The following TMEM253 variants were observed in gnomAD, a reference collection of about 807,000 sequenced individuals.
TMEM253 encodes the protein transmembrane protein 253, also known as transmembrane protein C14orf176.
Under a neutral mutation model 20.3 loss-of-function variants are expected in TMEM253, and 22 were observed. The observed-to-expected ratio is 1.08, with a 90% CI of 0.78 to 1.55. The LOEUF (loss-of-function observed/expected upper bound fraction) is 1.55, where lower values mean the gene tolerates loss of function less well. Among genes scored for constraint, TMEM253 ranks in the 40% most tolerant of loss-of-function variants. TMEM253 has a pLI of 0.00. For synonymous variants in TMEM253, 92 were observed against 102.6 expected (o/e 0.90, Z 0.62); for missense variants, 251 against 266.1 (o/e 0.94, Z 0.39).
At chr14:21,098,968 A>T (rs1889480054), upstream of TMEM253, 3 of 638,214 alleles carry the variant, frequency 4.7e-6, no homozygotes, top group Non-Finnish European at 6.6e-6. Flanking sequence ...TGTCGGCCGT[A>T]TAAGAAACAT....
chr14:21,099,697 T>C (rs1222190253), upstream of TMEM253, among the ~76,000 whole-genome samples: 4 of 152,232 alleles, frequency 2.6e-5, no homozygotes, highest in Non-Finnish European at 5.9e-5. Flanking sequence ...TGAGCACTTG[T>C]GTACCAGGTA....
At chr14:21,101,768 A>T (rs1448112300) in intron 2 of TMEM253, 97 bp from the exon 3 acceptor site, 4 of 967,812 alleles carry the variant, frequency 4.1e-6, no homozygotes, top group Non-Finnish European at 6.2e-6. Context: ...TCCACCCTGC[A>T]TTCAATCCCA....
chr14:21,101,173 G>C lies in TMEM253; in HGVS notation c.-48G>C, dbSNP rs1889600537. The C allele has an allele frequency of 5.2e-6, 3 of 576,258 alleles. No individual in the cohort carries two copies. The South Asian group carries it at 5.9e-5, about 11-fold the overall frequency. The allele number at this position is 576,258 out of a possible 1,614,324, so 35.7% of individuals were successfully genotyped here. On this transcript the variant is annotated 5_prime_UTR_variant, in exon 1 of 7. Transcript: ENST00000556585. ...TGGGTCCCATCCCTTTGGAGTAGCT[G>C]CTTCAGACTAGGTAGGTGTGAGGAC...
intron 2 of TMEM253, 121 bp from the exon 3 acceptor site, chr14:21,101,744 G>T (rs1391492855): frequency 2.6e-6 from 2 of 780,772 alleles, no homozygotes; most frequent in Non-Finnish European, 4.1e-6. Context: ...CTTGCTCTGG[G>T]TTGACTGCTT....
upstream of TMEM253, among the ~76,000 whole-genome samples, chr14:21,100,392 T>TAAC (rs1889559618): frequency 6.6e-6 from 1 of 151,546 alleles, no homozygotes; most frequent in South Asian, 2.1e-4. Flanking sequence ...ATAATAATAA[T>TAAC]GTATCCAAGA....
Position 21,102,635 on chromosome 14 carries a change from T to A in TMEM253, c.390T>A (p.His130Gln), listed in dbSNP as rs751573160. ...TTCTCAGCCCTGTCTACCTGCAGCA[T>A]GCTGGCTTGCTGGTGCTGGAACTCA... is the stretch of plus-strand genomic sequence containing the variant. The change falls in exon 6 of 7, where the codon CAT (histidine) becomes CAA (glutamine). Residue 130 changes from histidine to glutamine, a missense_variant and splice_region_variant. By Grantham distance (24) the His-to-Gln change is conservative. Transcript: ENST00000556585. 90 of 1,551,388 alleles carry A rather than the reference T, an allele frequency of 5.8e-5. No individual in the cohort carries two copies. In the South Asian group the frequency reaches 6.1e-4, roughly 10 times the overall value.
At chr14:21,100,654 C>A (rs1273175772), upstream of TMEM253, among the ~76,000 whole-genome samples, 1 of 152,106 alleles carries the variant, frequency 6.6e-6, no homozygotes, top group Non-Finnish European at 1.5e-5. Flanking sequence ...AGAGTAAAAC[C>A]TTCAAGAAAG....
exon 5 of TMEM253, chr14:21,102,436 A>C: frequency 6.4e-7 from 1 of 1,551,702 alleles, no homozygotes; most frequent in Non-Finnish European, 8.7e-7. Flanking sequence ...AACACCTTCA[A>C]CTTGATCTTG....
upstream of TMEM253, among the ~76,000 whole-genome samples, chr14:21,100,442 C>T (rs1473038333): frequency 6.6e-6 from 1 of 152,064 alleles, no homozygotes; most frequent in East Asian, 1.9e-4. Context: ...GATTCCAGCT[C>T]AGGTCTGTCT....
At chr14:21,101,162 T>G (rs1430860197) in exon 1 of TMEM253, 8 of 534,634 alleles carry the variant, frequency 1.5e-5, no homozygotes, top group Non-Finnish European at 2.3e-5. Context: ...TCCCATCCCT[T>G]TGGAGTAGCT....
rs1412715309 is a variant in TMEM253 at position 21,102,442 on chromosome 14, T to C, written c.314T>C (p.Ile105Thr). Residue 105 changes from isoleucine (I) to threonine (T), a missense_variant, in exon 5 of 7, where the codon ATC (isoleucine) becomes ACC (threonine). By Grantham distance (89) the Ile-to-Thr change is moderately conservative. Transcript: ENST00000556585. ...ATGATATTCAACACCTTCAACTTGA[T>C]CTTGGGTTTCATAGTGGTGGTGGTC... is the stretch of plus-strand genomic sequence containing the variant. The C allele has an allele frequency of 1.9e-6, 3 of 1,551,508 alleles. 1 individual carries two copies. Among genetic ancestry groups the C allele is most frequent in the East Asian group, 4.9e-5 (2 of 40,924 alleles).
At chr14:21,101,934 T>G in exon 3 of TMEM253, 1 of 1,551,636 alleles carries the variant, frequency 6.4e-7, no homozygotes, top group Non-Finnish European at 8.7e-7. Flanking sequence ...GAACTCTGAT[T>G]GTCACATGGC....
rs994300570 is a variant in TMEM253, at chr14:21,102,629, G to A, written c.388-4G>A. The A allele has an allele frequency of 6.4e-7, 1 of 1,551,274 alleles. No homozygotes were observed. The highest frequency in any genetic ancestry group is 1.4e-5 in the African/African-American group (1 of 73,046). ...CCTGCATTCTCAGCCCTGTCTACCT[G>A]CAGCATGCTGGCTTGCTGGTGCTGG... On this transcript the variant is annotated splice_region_variant and splice_polypyrimidine_tract_variant and intron_variant, in intron 5 of 6. Coordinates refer to ENST00000556585, the Ensembl canonical transcript of TMEM253.
intron 5 of TMEM253, 58 bp downstream of exon 5, chr14:21,102,573 G>T (rs774604318): frequency 1.0e-4 from 162 of 1,551,332 alleles, no homozygotes; most frequent in Middle Eastern, 1.7e-4. Context: ...GGTGGGAAGG[G>T]AAAAGGGCAG....
At chr14:21,102,685 G>A (rs1402655447) in exon 6 of TMEM253, 1 of 1,551,476 alleles carries the variant, frequency 6.4e-7, no homozygotes, top group Non-Finnish European at 8.7e-7. Flanking sequence ...ACCCTAGGGG[G>A]AGTGCTGGTC....
chr14:21,103,298 A>T (rs1361014004), exon 7 of TMEM253: 6 of 1,535,970 alleles, frequency 3.9e-6, no homozygotes, highest in Non-Finnish European at 4.4e-6. Context: ...CACCCCACCA[A>T]ACTCAGAAGC....
exon 4 of TMEM253, chr14:21,102,111 C>A (rs1384607249): frequency 1.9e-6 from 3 of 1,551,226 alleles, no homozygotes; most frequent in Non-Finnish European, 8.7e-7. Flanking sequence ...GAGCACCCCG[C>A]CTTTGGAAGG....
chr14:21,102,950 G>T, intron 6 of TMEM253, 171 bp downstream of exon 6: 1 of 1,345,968 alleles, frequency 7.4e-7, no homozygotes, highest in Non-Finnish European at 1.0e-6. Context: ...CCCTAATGGT[G>T]GGTAAGAGGA....
At chr14:21,103,012 C>T (rs910146718) in intron 6 of TMEM253, 127 bp from the exon 7 acceptor site, 3 of 1,476,440 alleles carry the variant, frequency 2.0e-6, no homozygotes, top group East Asian at 2.5e-5. Context: ...CATTAGGAAG[C>T]TGCCTAAATA....
Sources: allele counts gnomAD v4.1 joint callset (sites outside exome capture counted in the v4.1 genomes callset), GRCh38; gene constraint gnomAD v4.1.1; transcripts MANE v1.5; gene names NCBI Gene and HGNC (gene_info 2026-07-23, HGNC 2026-07-21).